The following BLM variants were observed in gnomAD, a reference collection of about 807,000 sequenced individuals.
BLM encodes the protein BLM RecQ like helicase, also known as recQ-like DNA helicase BLM.
Under a neutral mutation model 135.3 loss-of-function variants are expected in BLM, and 95 were observed. That is an observed-to-expected ratio of 0.70 (90% CI 0.59 to 0.83). The LOEUF (loss-of-function observed/expected upper bound fraction) is 0.83. Among genes scored for constraint, BLM ranks in the 40% least tolerant of loss-of-function variants. BLM has a pLI of 0.00. For missense variants in BLM, 1,518 were observed against 1,663.9 expected (o/e 0.91, Z 1.53); for synonymous variants, 520 against 589.2 (o/e 0.88, Z 1.70).
At chr15:90,761,490 G>T (rs895763514) in intron 7 of BLM, among the ~76,000 whole-genome samples, 8 of 152,104 alleles carry the variant, frequency 5.3e-5, no homozygotes, top group African/African-American at 1.9e-4. Flanking sequence ...CGGCTCTAAA[G>T]TCATTACAAA....
At position 90,798,288 on chromosome 15, in the gene BLM, A is replaced by G. The variant is rs772290769; in HGVS notation, c.3309A>G (p.Val1103=). 1 of 1,612,880 alleles carries G rather than the reference A, an allele frequency of 6.2e-7. No homozygotes were observed. Among genetic ancestry groups the G allele is most frequent in the South Asian group, 1.1e-5 (1 of 90,924 alleles). ...SSQGMRNIKH[V]GPSGRFTMNM... ...AAGGAATGAGAAATATAAAACATGTAGGTCCTTCTGGAAGATTTACTATGA... is the reference window on the plus strand; with the variant it reads ...AAGGAATGAGAAATATAAAACATGTGGGTCCTTCTGGAAGATTTACTATGA... Residue 1103 remains valine (V), a synonymous_variant, in exon 17 of 22, where the codon GTA becomes GTG. Coordinates refer to ENST00000355112, the MANE Select transcript of BLM (RefSeq NM_000057.4).
chr15:90,780,112 G>A (rs1024476816), intron 12 of BLM, among the ~76,000 whole-genome samples: 4 of 147,688 alleles, frequency 2.7e-5, no homozygotes, highest in African/African-American at 1.0e-4. Flanking sequence ...TTTAGACAGA[G>A]TCTCACTCTT....
At chr15:90,751,323 G>A (rs1422682477) in intron 3 of BLM, among the ~76,000 whole-genome samples, 2 of 152,188 alleles carry the variant, frequency 1.3e-5, no homozygotes, top group African/African-American at 4.8e-5. Context: ...TTTGTTAAAA[G>A]ATAGACAGCA....
At chr15:90,804,473 G>A in intron 19 of BLM, 114 bp downstream of exon 19, 1 of 1,270,894 alleles carries the variant, frequency 7.9e-7, no homozygotes, top group Non-Finnish European at 1.1e-6. Flanking sequence ...TCTTTTTGGG[G>A]TTTGTTTTGA....
At chr15:90,774,948 A>T (rs560236634) in intron 12 of BLM, among the ~76,000 whole-genome samples, 15,263 of 152,144 alleles carry the variant, frequency 0.1, 1,401 homozygotes, top group African/African-American at 0.25. Context: ...TAACGATGGT[A>T]AAATGTTTGG....
chr15:90,770,166 A>T (rs1451778494), intron 12 of BLM, among the ~76,000 whole-genome samples: 17 of 135,838 alleles, frequency 1.3e-4, no homozygotes, highest in Non-Finnish European at 2.3e-4. Context: ...TATAAAAGAA[A>T]TCCCCCCCCC....
rs1895693953 is a variant in BLM, at chr15:90,751,852, A to T, written c.865A>T (p.Ile289Phe). 6.2e-7 allele frequency: 1 copy of T among 1,612,478 alleles called. No individual in the cohort carries two copies. Among genetic ancestry groups the T allele is most frequent in the Non-Finnish European group, 8.5e-7 (1 of 1,178,584 alleles). ...ELHSTEKVPC[I>F]EFDDDDYDTD... is the part of the protein sequence containing the mutation. ...ACATTCAACTGAGAAAGTTCCATGT[A>T]TTGAATTTGATGATGATGATTATGA... Residue 289 changes from isoleucine (I) to phenylalanine (F), a missense_variant, in exon 4 of 22, where the codon ATT (isoleucine) becomes TTT (phenylalanine). This residue lies in a region of BLM where 724 missense variants were observed against 756.9 expected (regional missense o/e 0.96). Transcript: ENST00000355112.
intron 7 of BLM, 132 bp downstream of exon 7, chr15:90,761,387 G>C: frequency 1.4e-6 from 1 of 708,302 alleles, no homozygotes; most frequent in Non-Finnish European, 2.1e-6. Context: ...CTGATGATAT[G>C]AATTACAAAT....
chr15:90,784,916 G>C lies in BLM; in HGVS notation c.2663-5G>C, dbSNP rs1161787867. The stretch of plus-strand genomic sequence containing the variant: ...TGTTTCTCAGTACTCTTGGTTTCTT[G>C]GCAGATGATTCAGGGATAATTTACT... On this transcript the variant is annotated splice_region_variant and splice_polypyrimidine_tract_variant and intron_variant, in intron 13 of 21. Transcript: ENST00000355112. 3.7e-6 allele frequency: 6 copies of C among 1,612,370 alleles called. No individual in the cohort carries two copies. The highest frequency in any genetic ancestry group is 5.1e-6 in the Non-Finnish European group (6 of 1,178,952).
chr15:90,730,745 G>A (rs917421526), intron 1 of BLM, among the ~76,000 whole-genome samples: 4 of 152,132 alleles, frequency 2.6e-5, no homozygotes, highest in South Asian at 2.1e-4. Flanking sequence ...CATGCCCGGC[G>A]TGATAAGAGT....
intron 1 of BLM, among the ~76,000 whole-genome samples, chr15:90,737,757 A>C (rs936041403): frequency 6.6e-6 from 1 of 152,194 alleles, no homozygotes; most frequent in Non-Finnish European, 1.5e-5. Context: ...TTCACACTTA[A>C]AGGAACAGTA....
chr15:90,788,828 C>G (rs530532857), intron 14 of BLM, among the ~76,000 whole-genome samples: 2 of 151,856 alleles, frequency 1.3e-5, no homozygotes, highest in South Asian at 4.2e-4. Context: ...CAAAAATTAG[C>G]CTGGCATGCT....
In BLM at chr15:90,760,156, T is replaced by C. The variant is rs571152089; in HGVS notation, c.1097T>C (p.Ile366Thr). 293 of 1,611,110 alleles carry C rather than the reference T, an allele frequency of 1.8e-4. No individual in the cohort carries two copies. The highest frequency in any genetic ancestry group is 3.5e-4 in the Admixed American group (21 of 59,992). Residue 366 changes from isoleucine to threonine, a missense_variant, in exon 6 of 22, where the codon ATA (isoleucine) becomes ACA (threonine). Ile to Thr is a moderately conservative substitution (Grantham distance 89, BLOSUM62 -1). Coordinates refer to ENST00000355112, the MANE Select transcript of BLM (RefSeq NM_000057.4). ...ETSTDCDARQ[I>T]SLQQQLIHVM... ...CATAATTATTTTATAGCTAGACAGA[T>C]AAGTTTACAGCAGCAGCTTATTCAT...
chr15:90,749,733 T>C lies in BLM; in HGVS notation c.465T>C (p.Asp155=), dbSNP rs185349681. ...PDSLSTINDW[D]DMDDFDTSET... is the part of the protein sequence containing the mutation. ...CTTTAAGTACCATCAATGATTGGGA[T>C]GATATGGATGACTTTGATACTTCTG... Residue 155 remains aspartate (D), a synonymous_variant, in exon 3 of 22, where the codon GAT becomes GAC. Coordinates refer to ENST00000355112, the MANE Select transcript of BLM (RefSeq NM_000057.4). The C allele has an allele frequency of 7.9e-4, 1,273 of 1,614,178 alleles. No homozygotes were observed. Among genetic ancestry groups the C allele is most frequent in the Non-Finnish European group, 1.0e-3 (1,222 of 1,180,010 alleles).
rs543789119 is a variant in BLM at position 90,800,687 on chromosome 15, A to T, written c.3358+2350A>T. On this transcript the variant is annotated intron_variant, in intron 17 of 21. Coordinates refer to ENST00000355112, the MANE Select transcript of BLM (RefSeq NM_000057.4). ...AAGAGTGAAACTCCATCTCAAAAAA[A>T]AAAGAAGGAACAGGGCCCACCCAAC... Among the ~76,000 whole-genome samples the T allele has an allele frequency of 5.9e-5, 9 of 151,772 alleles. No individual in the cohort carries two copies. The East Asian group carries it at 1.2e-3, about 20-fold the overall frequency.
chr15:90,813,998 G>C (rs1211939061), intron 21 of BLM, among the ~76,000 whole-genome samples: 1 of 152,200 alleles, frequency 6.6e-6, no homozygotes, highest in Non-Finnish European at 1.5e-5. Context: ...GATTCATTCT[G>C]TAAATCAACA....
At chr15:90,742,580 T>G (rs1895393272) in intron 1 of BLM, among the ~76,000 whole-genome samples, 1 of 152,182 alleles carries the variant, frequency 6.6e-6, no homozygotes, top group Non-Finnish European at 1.5e-5. Flanking sequence ...TGTGTTTTTC[T>G]CCATCCCATG....
Position 90,766,905 on chromosome 15 carries a change from C to T in BLM, c.2194-5C>T. 1 of 1,544,642 alleles carries T rather than the reference C, an allele frequency of 6.5e-7. No homozygotes were observed. The highest frequency in any genetic ancestry group is 2.3e-5 in the East Asian group (1 of 44,348). On this transcript the variant is annotated splice_region_variant and splice_polypyrimidine_tract_variant and intron_variant, in intron 9 of 21. Transcript: ENST00000355112. Reference sequence around the variant, plus strand: ...ATTGAAATTGTTTACTACTTTTATACTTAGATTCCAGCTACATATCTGACA... The same window carrying T: ...ATTGAAATTGTTTACTACTTTTATATTTAGATTCCAGCTACATATCTGACA...
intron 16 of BLM, among the ~76,000 whole-genome samples, chr15:90,797,345 G>A (rs1445111471): frequency 6.6e-6 from 1 of 150,480 alleles, no homozygotes; most frequent in South Asian, 2.1e-4. Context: ...GAACCTGGGA[G>A]GTGGAGGTTG....
Sources: allele counts gnomAD v4.1 joint callset (sites outside exome capture counted in the v4.1 genomes callset), GRCh38; gene constraint gnomAD v4.1.1; regional missense constraint gnomAD v4.1.1; transcripts MANE v1.5; gene names NCBI Gene and HGNC (gene_info 2026-07-23, HGNC 2026-07-21).